GRSF1: variants seen among roughly 807,000 people sequenced by gnomAD.
GRSF1 encodes the protein G-rich RNA sequence binding factor 1.
A neutral mutation model predicts 51.1 loss-of-function variants in GRSF1; 50 were observed. That is an observed-to-expected ratio of 0.98 (90% CI 0.78 to 1.24). The LOEUF (loss-of-function observed/expected upper bound fraction) is 1.24. GRSF1 is among the 50% of genes most tolerant of loss of function. The pLI, the probability that GRSF1 is intolerant of heterozygous loss-of-function variation, is 0.00. For missense variants in GRSF1, 700 were observed against 639.7 expected (o/e 1.09, Z -1.02); for synonymous variants, 293 against 253.3 (o/e 1.16, Z -1.49).
At position 70,820,330 on chromosome 4, in the gene GRSF1, A is replaced by T. The variant is rs1185091303; in HGVS notation, c.*557T>A. The T allele has an allele frequency of 6.6e-6, 1 of 152,652 alleles. No homozygotes were observed. The highest frequency in any genetic ancestry group is 1.5e-5 in the Non-Finnish European group (1 of 68,040). The allele number at this position is 152,652 out of a possible 1,614,324, so 9.5% of individuals were successfully genotyped here. The stretch of plus-strand genomic sequence containing the variant: ...TGTGGTATTTTTTGTTTTGATTTTT[A>T]AAAATTCCTATCTCTAAGTAATCAA... On this transcript the variant is annotated 3_prime_UTR_variant, in exon 10 of 10. Transcript: ENST00000254799.
intron 9 of GRSF1, among the ~76,000 whole-genome samples, chr4:70,823,348 G>C (rs947168639): frequency 6.6e-6 from 1 of 151,874 alleles, no homozygotes; most frequent in Non-Finnish European, 1.5e-5. Context: ...AGTGAGTGGA[G>C]ATCGAGCCAT....
rs558028565 is a variant in GRSF1 at position 70,829,287 on chromosome 4, A to T, written c.951-1251T>A. Among the ~76,000 whole-genome samples, 6 of 149,026 alleles carry T rather than the reference A, an allele frequency of 4.0e-5. No homozygotes were observed. The East Asian group carries it at 9.8e-4, about 24-fold the overall frequency. On this transcript the variant is annotated intron_variant, in intron 5 of 9. Coordinates refer to ENST00000254799, the MANE Select transcript of GRSF1 (RefSeq NM_002092.4). ...AAGATTAGATGAGCACTACTTCTTTAAAAAAAAAACCTTTGAGCCTGGACA... is the reference window on the plus strand; with the variant it reads ...AAGATTAGATGAGCACTACTTCTTTTAAAAAAAAACCTTTGAGCCTGGACA...
At chr4:70,834,762 C>T (rs546300713) in intron 2 of GRSF1, among the ~76,000 whole-genome samples, 32 of 152,110 alleles carry the variant, frequency 2.1e-4, no homozygotes, top group Admixed American at 3.3e-4. Flanking sequence ...GCTGGGACTA[C>T]GGGAGCGTGC....
Position 70,819,009 on chromosome 4 carries a change from C to T in GRSF1, c.*1878G>A, listed in dbSNP as rs1022451719. 6.1e-4 allele frequency: 93 copies of T among 152,124 alleles called. No individual in the cohort carries two copies. The highest frequency in any genetic ancestry group is 2.1e-3 in the African/African-American group (89 of 41,422). 9.4% of individuals were successfully genotyped at this position (152,124 alleles called of 1,614,324 possible). ...TACTAGCCTAGATCATGAACAAAAACAAAAGGGAGCATTCAAATACATAAA... is the reference window on the plus strand; with the variant it reads ...TACTAGCCTAGATCATGAACAAAAATAAAAGGGAGCATTCAAATACATAAA... On this transcript the variant is annotated 3_prime_UTR_variant, in exon 10 of 10. Coordinates refer to ENST00000254799, the MANE Select transcript of GRSF1 (RefSeq NM_002092.4).
Position 70,816,321 on chromosome 4 carries a change from G to T in GRSF1, c.*4566C>A, listed in dbSNP as rs1448146292. ...GCCAAGACCAGGCCACTGCACTCTA[G>T]CCTGGGCGATACAAGACTCCATCTC... On this transcript the variant is annotated 3_prime_UTR_variant, in exon 10 of 10. Coordinates refer to ENST00000254799, the MANE Select transcript of GRSF1 (RefSeq NM_002092.4). 7.7e-6 allele frequency: 1 copy of T among 129,394 alleles called. No homozygotes were observed. The highest frequency in any genetic ancestry group is 1.6e-5 in the Non-Finnish European group (1 of 64,188). The allele number at this position is 129,394 out of a possible 1,614,324, so 8.0% of individuals were successfully genotyped here. A position where few individuals can be genotyped will look rare whatever the true frequency, so the allele number is the denominator to read the frequency against.
intron 6 of GRSF1, among the ~76,000 whole-genome samples, chr4:70,827,106 G>A (rs572659329): frequency 2.6e-5 from 4 of 152,034 alleles, no homozygotes; most frequent in South Asian, 4.2e-4. Context: ...TGGCCAACAC[G>A]GGGAAACCCC....
intron 2 of GRSF1, among the ~76,000 whole-genome samples, chr4:70,834,565 T>C (rs1248015733): frequency 2.0e-5 from 3 of 152,200 alleles, no homozygotes; most frequent in African/African-American, 7.2e-5. Flanking sequence ...CCATGTGTTA[T>C]GGGAGTTCGG....
intron 1 of GRSF1, among the ~76,000 whole-genome samples, chr4:70,838,598 G>C (rs1321380663): frequency 2.6e-5 from 4 of 152,108 alleles, no homozygotes; most frequent in African/African-American, 7.2e-5. Flanking sequence ...TCAGGGGCTG[G>C]GTAGTTAAAA....
At chr4:70,833,485 A>C (rs1203045634) in intron 2 of GRSF1, among the ~76,000 whole-genome samples, 1 of 151,934 alleles carries the variant, frequency 6.6e-6, no homozygotes, top group Non-Finnish European at 1.5e-5. Context: ...CTTAGCACAG[A>C]AGCTTATGAT....
intron 2 of GRSF1, 130 bp downstream of exon 2, chr4:70,836,028 C>T (rs1303685746): frequency 1.5e-5 from 8 of 520,970 alleles, no homozygotes; most frequent in Admixed American, 4.0e-5. Flanking sequence ...AAGGTGACAG[C>T]GTAGTCTGAC....
chr4:70,838,978 A>T (rs1007427551), intron 1 of GRSF1: 3 of 411,852 alleles, frequency 7.3e-6, no homozygotes, highest in Non-Finnish European at 1.3e-5. Context: ...CCTTCCCTAC[A>T]AGCCAGCCCA....
Position 70,826,115 on chromosome 4 carries a change from G to A in GRSF1, c.1257+9C>T. The A allele has an allele frequency of 6.2e-7, 1 of 1,605,244 alleles. No homozygotes were observed. The highest frequency in any genetic ancestry group is 8.5e-7 in the Non-Finnish European group (1 of 1,175,128). ...ATCTATTGAGATTGGATATCTTACTGCCACACACGTTTATAATGTCTTGGG... is the reference window on the plus strand; with the variant it reads ...ATCTATTGAGATTGGATATCTTACTACCACACACGTTTATAATGTCTTGGG... On this transcript the variant is annotated intron_variant, in intron 7 of 9. Coordinates refer to ENST00000254799, the MANE Select transcript of GRSF1 (RefSeq NM_002092.4).
chr4:70,825,180 T>C, intron 8 of GRSF1, 116 bp downstream of exon 8: 2 of 719,196 alleles, frequency 2.8e-6, no homozygotes, highest in South Asian at 2.3e-5. Flanking sequence ...AATTTACTAG[T>C]ACTAAAAGAA....
chr4:70,832,532 T>C (rs760034994), intron 3 of GRSF1, 82 bp from the exon 4 acceptor site: 13 of 749,482 alleles, frequency 1.7e-5, no homozygotes, highest in Non-Finnish European at 2.4e-5. Flanking sequence ...TACAACTTGC[T>C]GGGTTATCTG....
intron 1 of GRSF1, 36 bp from the exon 2 acceptor site, chr4:70,836,350 C>A: frequency 7.1e-7 from 1 of 1,407,194 alleles, no homozygotes; most frequent in Non-Finnish European, 9.5e-7. Flanking sequence ...AAAAGAGTTG[C>A]ATTTACAGGT....
chr4:70,822,358 G>T (rs1033737860), intron 9 of GRSF1, among the ~76,000 whole-genome samples: 6 of 151,322 alleles, frequency 4.0e-5, no homozygotes, highest in Admixed American at 1.3e-4. Flanking sequence ...TGAGGCTAGC[G>T]GATCACTGGA....
Position 70,818,518 on chromosome 4 carries a change from T to C in GRSF1, c.*2369A>G, listed in dbSNP as rs1351375606. On this transcript the variant is annotated 3_prime_UTR_variant, in exon 10 of 10. Coordinates refer to ENST00000254799, the MANE Select transcript of GRSF1 (RefSeq NM_002092.4). ...CTCCCAGGGAAGATTCGGTCCCCCTTCCCACATGACAGAAGCTTAAGTTAC... is the reference window on the plus strand; with the variant it reads ...CTCCCAGGGAAGATTCGGTCCCCCTCCCCACATGACAGAAGCTTAAGTTAC... 2 of 152,128 alleles carry C rather than the reference T, an allele frequency of 1.3e-5. No individual in the cohort carries two copies. Among genetic ancestry groups the C allele is most frequent in the African/African-American group, 2.4e-5 (1 of 41,416 alleles). The allele number at this position is 152,128 out of a possible 1,614,324, so 9.4% of individuals were successfully genotyped here. A position where few individuals can be genotyped will look rare whatever the true frequency, so the allele number is the denominator to read the frequency against.
At chr4:70,838,341 G>A (rs60486352) in intron 1 of GRSF1, among the ~76,000 whole-genome samples, 2,396 of 151,714 alleles carry the variant, frequency 0.016, 80 homozygotes, top group African/African-American at 0.053. Context: ...AAAAAAGAGA[G>A]AAGCTAGCTC....
intron 5 of GRSF1, among the ~76,000 whole-genome samples, chr4:70,830,370 AG>A (rs894240284): frequency 6.6e-6 from 1 of 151,880 alleles, no homozygotes; most frequent in African/African-American, 2.4e-5. Flanking sequence ...GCTTGAGCCC[AG>A]GAATTCAAGG....
Sources: gnomAD v4.1 joint callset for allele counts (sites outside exome capture counted in the v4.1 genomes callset) on GRCh38, gnomAD v4.1.1 for gene constraint, MANE v1.5 for transcripts, NCBI Gene and HGNC (gene_info 2026-07-23, HGNC 2026-07-21) for gene names.